Variants in GBE1 observed in about 807,000 individuals in gnomAD.
The protein encoded by GBE1 is 1,4-alpha-glucan branching enzyme 1, also known as 1,4-alpha-glucan-branching enzyme.
In GBE1, 70 loss-of-function variants were observed where a neutral mutation model predicts 88.8. That is an observed-to-expected ratio of 0.79 (90% CI 0.65 to 0.96). The LOEUF (loss-of-function observed/expected upper bound fraction) is 0.96, where lower values mean the gene tolerates loss of function less well. Among genes scored for constraint, GBE1 ranks in the 40% least tolerant of loss-of-function variants. The pLI, the probability that GBE1 is intolerant of heterozygous loss-of-function variation, is 0.00. For missense variants in GBE1, 872 were observed against 871.0 expected, an observed-to-expected ratio of 1.00 and a Z score of -0.01; for synonymous variants, 284 against 300.1, an observed-to-expected ratio of 0.95 and a Z score of 0.56.
chr3:81,552,503 C>T (rs192854262), intron 12 of GBE1, among the ~76,000 whole-genome samples: 1 of 113,674 alleles, frequency 8.8e-6, no homozygotes, highest in Admixed American at 1.3e-4. Context: ...GGAGACAGAG[C>T]AAGGCTCTAT....
At position 81,581,287 on chromosome 3, in the gene GBE1, A is replaced by C. The variant is rs1438191579; in HGVS notation, c.1336-12T>G. On this transcript the variant is annotated splice_polypyrimidine_tract_variant and intron_variant, in intron 10 of 15. Transcript: ENST00000429644. Reference sequence around the variant, plus strand: ...AACTCTTTAAGTAGCTAGACACAAGAGAGAAAAATAAGCTTCTGAGTAAAG... The same window carrying C: ...AACTCTTTAAGTAGCTAGACACAAGCGAGAAAAATAAGCTTCTGAGTAAAG... 7.1e-7 allele frequency: 1 copy of C among 1,400,918 alleles called. No individual in the cohort carries two copies. Among genetic ancestry groups the C allele is most frequent in the Non-Finnish European group, 9.9e-7 (1 of 1,014,552 alleles). The allele number at this position is 1,400,918 out of a possible 1,614,324, so 86.8% of individuals were successfully genotyped here.
At chr3:81,538,681 A>C (rs1410377372) in intron 12 of GBE1, among the ~76,000 whole-genome samples, 1 of 152,018 alleles carries the variant, frequency 6.6e-6, no homozygotes, top group East Asian at 1.9e-4. Flanking sequence ...TACCTGCAGA[A>C]TTGCAATTGG....
chr3:81,692,433 G>C (rs1056062419), intron 2 of GBE1, among the ~76,000 whole-genome samples: 1 of 152,124 alleles, frequency 6.6e-6, no homozygotes, highest in Non-Finnish European at 1.5e-5. Flanking sequence ...TATGAATAAG[G>C]ACCTACCCCA....
chr3:81,599,021 A>C (rs1176407249), intron 7 of GBE1, among the ~76,000 whole-genome samples: 1 of 152,254 alleles, frequency 6.6e-6, no homozygotes, highest in South Asian at 2.1e-4. Flanking sequence ...TAAGGCCTAA[A>C]TTGTACTTAG....
intron 2 of GBE1, among the ~76,000 whole-genome samples, chr3:81,683,423 T>C (rs1209685516): frequency 1.3e-5 from 2 of 152,140 alleles, no homozygotes; most frequent in African/African-American, 2.4e-5. Context: ...GCTTGCTCAA[T>C]AAGTAGAATA....
chr3:81,518,360 TC>T (rs5850527), intron 14 of GBE1, among the ~76,000 whole-genome samples: 33,439 of 151,202 alleles, frequency 0.22, 3,961 homozygotes, highest in East Asian at 0.42. Context: ...TGGTCCCCCT[TC>T]AAGAAAAAAC....
At chr3:81,700,680 CTT>C (rs1705674598) in intron 2 of GBE1, among the ~76,000 whole-genome samples, 1 of 152,080 alleles carries the variant, frequency 6.6e-6, no homozygotes, top group African/African-American at 2.4e-5. Context: ...ACACTGAAAA[CTT>C]ATATAACTGA....
intron 7 of GBE1, among the ~76,000 whole-genome samples, chr3:81,608,920 G>T (rs1270675729): frequency 2.6e-5 from 4 of 152,130 alleles, no homozygotes; most frequent in Non-Finnish European, 5.9e-5. Flanking sequence ...TGTAATATAA[G>T]AGCCTTCATA....
At chr3:81,516,407 T>G (rs6798900) in intron 14 of GBE1, among the ~76,000 whole-genome samples, 45,821 of 151,294 alleles carry the variant, frequency 0.3, 7,227 homozygotes, top group East Asian at 0.43. Flanking sequence ...GAGACCTATT[T>G]CTCAGAAAAA....
chr3:81,631,971 C>G (rs543423086), intron 7 of GBE1, among the ~76,000 whole-genome samples: 30 of 152,160 alleles, frequency 2.0e-4, no homozygotes, highest in African/African-American at 6.3e-4. Context: ...CTCCCACCCC[C>G]CAATAGGCCC....
At chr3:81,652,711 T>G (rs1047535926) in intron 3 of GBE1, among the ~76,000 whole-genome samples, 2 of 152,240 alleles carry the variant, frequency 1.3e-5, no homozygotes, top group African/African-American at 4.8e-5. Flanking sequence ...AGTAGCTGTC[T>G]CACCTTGCTT....
chr3:81,649,564 T>C (rs1238169198), intron 4 of GBE1, among the ~76,000 whole-genome samples: 1 of 152,102 alleles, frequency 6.6e-6, no homozygotes, highest in Non-Finnish European at 1.5e-5. Context: ...TTTAGTATTC[T>C]GTTTTCTTTA....
At chr3:81,612,295 C>T in intron 7 of GBE1, 7 of 706,152 alleles carry the variant, frequency 9.9e-6, no homozygotes, top group Non-Finnish European at 1.5e-5. Flanking sequence ...TGGCTTTATT[C>T]TGCGTTTGAC....
intron 3 of GBE1, among the ~76,000 whole-genome samples, chr3:81,664,400 T>C (rs1215899052): frequency 2.1e-5 from 3 of 140,304 alleles, no homozygotes; most frequent in Non-Finnish European, 4.5e-5. Context: ...TGACAGAGCC[T>C]GGAAAATTAA....
chr3:81,697,332 C>T (rs1336799471), intron 2 of GBE1, among the ~76,000 whole-genome samples: 3 of 149,296 alleles, frequency 2.0e-5, no homozygotes, highest in African/African-American at 5.0e-5. Flanking sequence ...CGGAGTCTCG[C>T]TCTGTCATCC....
chr3:81,682,339 G>C (rs775979984), intron 2 of GBE1, among the ~76,000 whole-genome samples: 16 of 152,110 alleles, frequency 1.1e-4, no homozygotes, highest in Non-Finnish European at 2.2e-4. Flanking sequence ...GCACACGCCT[G>C]TAGTCCTAGC....
intron 3 of GBE1, among the ~76,000 whole-genome samples, chr3:81,665,041 G>A (rs1576191311): frequency 6.6e-6 from 1 of 152,134 alleles, no homozygotes; most frequent in African/African-American, 2.4e-5. Context: ...TTAATTCAAA[G>A]GAAGTTTGCA....
At chr3:81,750,426 A>G (rs996373868) in intron 1 of GBE1, among the ~76,000 whole-genome samples, 1 of 148,942 alleles carries the variant, frequency 6.7e-6, no homozygotes, top group African/African-American at 2.5e-5. Context: ...CAAATTTTCT[A>G]TTCTCCAAAT....
intron 1 of GBE1, among the ~76,000 whole-genome samples, chr3:81,708,438 C>T (rs2107172583): frequency 6.6e-6 from 1 of 152,108 alleles, no homozygotes; most frequent in Non-Finnish European, 1.5e-5. Context: ...AATGATCAAA[C>T]TCATATATAA....
Sources: allele counts gnomAD v4.1 joint callset (sites outside exome capture counted in the v4.1 genomes callset), GRCh38; gene constraint gnomAD v4.1.1; transcripts MANE v1.5; gene names NCBI Gene and HGNC (gene_info 2026-07-23, HGNC 2026-07-21).